The following DIAPH3 variants were observed in gnomAD, a reference collection of about 807,000 sequenced individuals.
The protein encoded by DIAPH3 is protein diaphanous homolog 3.
A neutral mutation model predicts 144.3 loss-of-function variants in DIAPH3; 117 were observed. The ratio of observed to expected loss-of-function variants is 0.81; its 90% CI spans 0.70 to 0.95. The LOEUF is 0.95. Among genes scored for constraint, DIAPH3 ranks in the 40% least tolerant of loss-of-function variants. The probability of loss-of-function intolerance (pLI) is 0.00; values close to 1 mark genes in which losing one functional copy is unlikely to be tolerated. For missense variants in DIAPH3, 1,421 were observed against 1,412.7 expected, an observed-to-expected ratio of 1.01 and a Z score of -0.09; for synonymous variants, 519 against 488.9, an observed-to-expected ratio of 1.06 and a Z score of -0.81.
chr13:59,910,748 A>AT (rs1279550827), intron 20 of DIAPH3, among the ~76,000 whole-genome samples: 1 of 151,604 alleles, frequency 6.6e-6, no homozygotes, highest in East Asian at 1.9e-4. Flanking sequence ...AAAAAAAAAA[A>AT]AAAAAAAGTT....
chr13:60,121,272 A>G (rs891392861), intron 2 of DIAPH3, among the ~76,000 whole-genome samples: 3 of 152,146 alleles, frequency 2.0e-5, no homozygotes, highest in African/African-American at 7.2e-5. Flanking sequence ...AAGAAATACT[A>G]AATTTCATTT....
At chr13:59,862,430 A>G (rs919407339) in intron 21 of DIAPH3, among the ~76,000 whole-genome samples, 2 of 152,184 alleles carry the variant, frequency 1.3e-5, no homozygotes, top group Non-Finnish European at 2.9e-5. Context: ...TAAGAGAAGC[A>G]TGAAGAGTGA....
At chr13:59,919,188 T>C (rs1210771732) in intron 18 of DIAPH3, among the ~76,000 whole-genome samples, 1 of 151,986 alleles carries the variant, frequency 6.6e-6, no homozygotes. Context: ...TTGGACAGCA[T>C]TAAAGAGCAA....
At chr13:59,939,759 A>T (rs2048432571) in intron 17 of DIAPH3, among the ~76,000 whole-genome samples, 1 of 152,096 alleles carries the variant, frequency 6.6e-6, no homozygotes, top group African/African-American at 2.4e-5. Context: ...ATTGACTTAT[A>T]TTGACTAAGG....
chr13:59,906,232 C>T (rs936080447), intron 20 of DIAPH3, among the ~76,000 whole-genome samples: 5 of 152,058 alleles, frequency 3.3e-5, no homozygotes, highest in Admixed American at 3.3e-4. Flanking sequence ...ATAATATGGG[C>T]TATGAAATAA....
At chr13:60,099,797 G>C (rs2058213983) in intron 3 of DIAPH3, among the ~76,000 whole-genome samples, 1 of 151,916 alleles carries the variant, frequency 6.6e-6, no homozygotes, top group South Asian at 2.1e-4. Context: ...GATTTCAGAA[G>C]TACAATACTT....
chr13:59,727,813 T>C (rs1180919517), intron 27 of DIAPH3, among the ~76,000 whole-genome samples: 1 of 152,072 alleles, frequency 6.6e-6, no homozygotes, highest in Non-Finnish European at 1.5e-5. Context: ...ATACAGAGGG[T>C]CTACCACCAT....
intron 9 of DIAPH3, among the ~76,000 whole-genome samples, chr13:60,002,203 T>C (rs1344137113): frequency 1.3e-5 from 2 of 152,192 alleles, no homozygotes; most frequent in African/African-American, 4.8e-5. Context: ...TGACTAGATC[T>C]GGGACCTGGA....
At chr13:59,722,500 T>C (rs2035393604) in intron 27 of DIAPH3, among the ~76,000 whole-genome samples, 2 of 152,122 alleles carry the variant, frequency 1.3e-5, no homozygotes, top group Admixed American at 6.5e-5. Context: ...GGTTAGGATG[T>C]TGGAAGTAAG....
chr13:60,032,091 T>C (rs559888987), intron 5 of DIAPH3, among the ~76,000 whole-genome samples: 2 of 152,158 alleles, frequency 1.3e-5, no homozygotes, highest in Admixed American at 6.5e-5. Flanking sequence ...CCAGGCCACA[T>C]TGGTACAAGG....
chr13:60,047,813 A>G (rs1405645280), intron 4 of DIAPH3, among the ~76,000 whole-genome samples: 3 of 152,222 alleles, frequency 2.0e-5, no homozygotes, highest in Non-Finnish European at 4.4e-5. Context: ...TAGTTTCAGT[A>G]AGGAAATGAA....
chr13:60,015,248 C>T (rs188902897), intron 7 of DIAPH3, among the ~76,000 whole-genome samples: 96 of 152,178 alleles, frequency 6.3e-4, no homozygotes, highest in African/African-American at 2.2e-3. Context: ...CCTCCTGCCT[C>T]GGCATCCCAA....
At chr13:59,749,469 G>A (rs1382871340) in intron 27 of DIAPH3, among the ~76,000 whole-genome samples, 5 of 134,928 alleles carry the variant, frequency 3.7e-5, no homozygotes, top group South Asian at 2.4e-4. Flanking sequence ...GCAGTGAGCC[G>A]AGATTGTGCC....
At chr13:59,698,473 T>C (rs562642443) in intron 27 of DIAPH3, among the ~76,000 whole-genome samples, 1 of 152,242 alleles carries the variant, frequency 6.6e-6, no homozygotes, top group South Asian at 2.1e-4. Context: ...CCTGCTACAT[T>C]TGAAAATCAG....
chr13:59,892,232 G>A (rs983952863), intron 20 of DIAPH3, among the ~76,000 whole-genome samples: 1 of 151,934 alleles, frequency 6.6e-6, no homozygotes, highest in African/African-American at 2.4e-5. Context: ...CTTCTATAAG[G>A]AAGTGGCATT....
intron 27 of DIAPH3, among the ~76,000 whole-genome samples, chr13:59,709,951 T>C (rs1174113431): frequency 6.6e-6 from 1 of 152,036 alleles, no homozygotes; most frequent in Non-Finnish European, 1.5e-5. Flanking sequence ...TGTAGGGACA[T>C]GGATGAAATT....
chr13:59,870,091 A>G (rs2044164974), intron 21 of DIAPH3, among the ~76,000 whole-genome samples: 1 of 152,028 alleles, frequency 6.6e-6, no homozygotes, highest in African/African-American at 2.4e-5. Flanking sequence ...TATAAAATGT[A>G]TAGTCTTGCA....
chr13:59,984,617 C>G (rs986367917), intron 12 of DIAPH3, among the ~76,000 whole-genome samples: 2 of 149,920 alleles, frequency 1.3e-5, no homozygotes, highest in African/African-American at 4.9e-5. Context: ...CAAATAGACA[C>G]AATAAAAAAT....
At chr13:59,883,846 T>A (rs2045254853) in intron 20 of DIAPH3, among the ~76,000 whole-genome samples, 1 of 152,204 alleles carries the variant, frequency 6.6e-6, no homozygotes, top group Admixed American at 6.5e-5. Flanking sequence ...AGTAACACCC[T>A]GCAATGAGCT....
Sources: gnomAD v4.1 joint callset for allele counts (sites outside exome capture counted in the v4.1 genomes callset) on GRCh38, gnomAD v4.1.1 for gene constraint, MANE v1.5 for transcripts, NCBI Gene and HGNC (gene_info 2026-07-23, HGNC 2026-07-21) for gene names.